ZCCHC8: variants seen among roughly 807,000 people sequenced by gnomAD.
The protein encoded by ZCCHC8 is zinc finger CCHC-type containing 8.
A neutral mutation model predicts 70.6 loss-of-function variants in ZCCHC8; 27 were observed. The ratio of observed to expected loss-of-function variants is 0.38; its 90% CI spans 0.28 to 0.53. The LOEUF is 0.53. Ranked by LOEUF, ZCCHC8 falls within the 20% of genes least tolerant of loss-of-function variation. The probability of loss-of-function intolerance (pLI) is 0.81; values close to 1 mark genes in which losing one functional copy is unlikely to be tolerated. For missense variants in ZCCHC8, 737 were observed against 876.9 expected, an observed-to-expected ratio of 0.84 and a Z score of 2.01; for synonymous variants, 293 against 317.4, an observed-to-expected ratio of 0.92 and a Z score of 0.82.
intron 2 of ZCCHC8, among the ~76,000 whole-genome samples, chr12:122,496,589 T>C (rs1339125631): frequency 3.3e-5 from 5 of 152,214 alleles, no homozygotes; most frequent in Admixed American, 1.3e-4. Context: ...ATTGAATACC[T>C]AATCAAAATT....
At position 122,477,940 on chromosome 12, in the gene ZCCHC8, T is replaced by G; in HGVS notation, c.1246A>C (p.Asn416His). The change falls in exon 13 of 14, where the codon AAC becomes CAC. Residue 416 changes from asparagine to histidine, a missense_variant. Coordinates refer to ENST00000633063, the MANE Select transcript of ZCCHC8 (RefSeq NM_017612.5). ...NFQAPGVKSG[N>H]KRSSSHSSPG... ...CTAGAGTGAGATGAAGACCTCTTGT[T>G]GCCAGACTTCACACCTGGCTAAAAG... 1 of 1,613,906 alleles carries G rather than the reference T, an allele frequency of 6.2e-7. No individual in the cohort carries two copies. Among genetic ancestry groups the G allele is most frequent in the South Asian group, 1.1e-5 (1 of 91,078 alleles).
intron 8 of ZCCHC8, 88 bp from the exon 9 acceptor site, chr12:122,482,175 G>A: frequency 1.5e-6 from 2 of 1,358,560 alleles, no homozygotes; most frequent in Non-Finnish European, 9.7e-7. Context: ...TTTAGATCAA[G>A]TAAACAGATT....
In ZCCHC8 at chr12:122,480,189, C is replaced by T. The variant is rs1043766849; in HGVS notation, c.1140+1G>A. The T allele has an allele frequency of 2.5e-6, 4 of 1,569,468 alleles. No homozygotes were observed. The highest frequency in any genetic ancestry group is 3.5e-6 in the Non-Finnish European group (4 of 1,149,574). The stretch of plus-strand genomic sequence containing the variant: ...TAATTTAAAAAAATCAATATACTTA[C>T]GTCTGGAATTCCTCTGGGAGTAGAT... On this transcript the variant is annotated splice_donor_variant, in intron 11 of 13. Coordinates refer to ENST00000633063, the MANE Select transcript of ZCCHC8 (RefSeq NM_017612.5). LOFTEE classifies it high-confidence loss of function.
intron 13 of ZCCHC8, 105 bp from the exon 14 acceptor site, chr12:122,474,380 A>G (rs1957375898): frequency 9.4e-7 from 1 of 1,067,478 alleles, no homozygotes; most frequent in Non-Finnish European, 1.2e-6. Context: ...AATGGCCAAA[A>G]ATAACTGGCT....
Position 122,473,269 on chromosome 12 carries a change from A to C in ZCCHC8, c.*228T>G. The C allele has an allele frequency of 3.7e-6, 2 of 537,664 alleles. No individual in the cohort carries two copies. Among genetic ancestry groups the C allele is most frequent in the South Asian group, 3.0e-5 (1 of 33,886 alleles). The allele number at this position is 537,664 out of a possible 1,614,324, so 33.3% of individuals were successfully genotyped here. A position where few individuals can be genotyped will look rare whatever the true frequency, so the allele number is the denominator to read the frequency against. ...TATAAACCTTAACAAACCCTCTCTAAACCAGGTCATATTCACATCTCCCCC... is the reference window on the plus strand; with the variant it reads ...TATAAACCTTAACAAACCCTCTCTACACCAGGTCATATTCACATCTCCCCC... On this transcript the variant is annotated 3_prime_UTR_variant, in exon 14 of 14. Coordinates refer to ENST00000633063, the MANE Select transcript of ZCCHC8 (RefSeq NM_017612.5).
intron 5 of ZCCHC8, among the ~76,000 whole-genome samples, chr12:122,489,148 G>C (rs571111212): frequency 2.0e-5 from 3 of 152,286 alleles, no homozygotes; most frequent in Middle Eastern, 6.8e-3. Flanking sequence ...TAAACACAGT[G>C]GTTGGTCAAT....
chr12:122,480,474 T>A, intron 10 of ZCCHC8, 163 bp from the exon 11 acceptor site: 2 of 113,148 alleles, frequency 1.8e-5, no homozygotes, highest in Non-Finnish European at 2.8e-5. Flanking sequence ...AGGACAGAAC[T>A]TTTTTTTTTT....
chr12:122,492,971 A>C (rs1395790337), intron 2 of ZCCHC8, among the ~76,000 whole-genome samples, 182 bp from the exon 3 acceptor site: 1 of 151,864 alleles, frequency 6.6e-6, no homozygotes, highest in Non-Finnish European at 1.5e-5. Flanking sequence ...CCCGAGATCA[A>C]GCAATCCCAC....
chr12:122,492,910 G>A (rs751108553), intron 2 of ZCCHC8, 121 bp from the exon 3 acceptor site: 34 of 673,358 alleles, frequency 5.0e-5, no homozygotes, highest in Non-Finnish European at 7.4e-5. Flanking sequence ...TCACTCTGTC[G>A]CTCGTGCTGG....
intron 11 of ZCCHC8, 191 bp from the exon 12 acceptor site, chr12:122,478,483 G>A: frequency 1.8e-6 from 1 of 553,212 alleles, no homozygotes; most frequent in Non-Finnish European, 3.2e-6. Flanking sequence ...AAATAATTAA[G>A]ACTGAATACT....
intron 5 of ZCCHC8, among the ~76,000 whole-genome samples, chr12:122,485,108 T>C (rs777053552): frequency 1.3e-5 from 2 of 152,062 alleles, no homozygotes; most frequent in Non-Finnish European, 2.9e-5. Flanking sequence ...AAAGGTCAAG[T>C]TATTATTATT....
chr12:122,473,571 T>C lies in ZCCHC8; in HGVS notation c.2050A>G (p.Met684Val), dbSNP rs1221913922. The C allele has an allele frequency of 2.5e-6, 4 of 1,614,038 alleles. No homozygotes were observed. The South Asian group carries it at 3.3e-5, about 13-fold the overall frequency. ...AACAAGCTTCTTATCCTGAGGTACA[T>C]TCCAGTAGATTCTGCCATATTCTCA... ...EFENMAESTG[M>V]YLRIRSLLKN... The change falls in exon 14 of 14, where the codon ATG becomes GTG. Residue 684 changes from methionine to valine, a missense_variant. By Grantham distance (21) the Met-to-Val change is conservative. Transcript: ENST00000633063.
chr12:122,488,109 C>T (rs1957675081), intron 5 of ZCCHC8, among the ~76,000 whole-genome samples: 1 of 151,918 alleles, frequency 6.6e-6, no homozygotes. Context: ...CGGCTCACTG[C>T]AGCCTCAGTC....
At chr12:122,491,549 C>G (rs375361758) in intron 3 of ZCCHC8, among the ~76,000 whole-genome samples, 110 of 133,006 alleles carry the variant, frequency 8.3e-4, no homozygotes, top group African/African-American at 3.5e-3. Flanking sequence ...AAAAAAAAAG[C>G]CAGGTGCGGT....
intron 2 of ZCCHC8, among the ~76,000 whole-genome samples, chr12:122,496,146 G>A (rs369298176): frequency 6.9e-6 from 1 of 145,016 alleles, no homozygotes; most frequent in East Asian, 2.0e-4. Context: ...CAGCCTAGAC[G>A]ACAGAGTGAG....
rs879130438 is a variant in ZCCHC8, at chr12:122,483,460, T to C, written c.605A>G (p.Lys202Arg). 3 of 1,588,962 alleles carry C rather than the reference T, an allele frequency of 1.9e-6. No homozygotes were observed. Among genetic ancestry groups the C allele is most frequent in the Non-Finnish European group, 2.6e-6 (3 of 1,166,228 alleles). Residue 202 changes from lysine to arginine, a missense_variant and splice_region_variant, in exon 6 of 14, where the codon AAG becomes AGG. Lys to Arg is a conservative substitution (Grantham distance 26). Transcript: ENST00000633063. This position sits in a 1 kb window ranked among gnomAD's most constrained non-coding sequence, Gnocchi z 4.4. ...GATCTTCATTCACTATGTAGGATAC[T>C]TGGGTATTTCCCATCCTTCGGAAAG... ...PQLSEGWEIP[K>R]YHQVFSHIVS...
rs747742940 is a variant in ZCCHC8, at chr12:122,473,665, C to T, written c.1956G>A (p.Thr652=). Residue 652 remains threonine, a synonymous_variant, in exon 14 of 14, where the codon ACG becomes ACA. Transcript: ENST00000633063. ...GTATAGGGCTATGAATTTTAGTGGCCGTTGAAGGACTGGTGTCTGCAGGAA... is the reference window on the plus strand; with the variant it reads ...GTATAGGGCTATGAATTTTAGTGGCTGTTGAAGGACTGGTGTCTGCAGGAA... ...KLFPADTSPS[T]ATKIHSPIPD... 1.7e-5 allele frequency: 28 copies of T among 1,613,792 alleles called. 1 individual carries two copies. Among genetic ancestry groups the T allele is most frequent in the Non-Finnish European group, 2.2e-5 (26 of 1,179,896 alleles).
chr12:122,477,920 G>C lies in ZCCHC8; in HGVS notation c.1266C>G (p.His422Gln), dbSNP rs1957452234. 3.7e-6 allele frequency: 6 copies of C among 1,613,974 alleles called. No homozygotes were observed. In the South Asian group the frequency reaches 5.5e-5, roughly 15 times the overall value. The change falls in exon 13 of 14, where the codon CAC becomes CAG. Residue 422 changes from histidine to glutamine, a missense_variant. By Grantham distance (24) the His-to-Gln change is conservative (BLOSUM62 0). Transcript: ENST00000633063. The stretch of plus-strand genomic sequence containing the variant: ...GCTTCTTTGGACTACCTGGGCTAGA[G>C]TGAGATGAAGACCTCTTGTTGCCAG... ...VKSGNKRSSS[H>Q]SSPGSPKKQK... is the part of the protein sequence containing the mutation.
intron 13 of ZCCHC8, among the ~76,000 whole-genome samples, chr12:122,476,713 C>T (rs1957425769): frequency 6.6e-6 from 1 of 151,950 alleles, no homozygotes; most frequent in South Asian, 2.1e-4. Flanking sequence ...CACCACAAAT[C>T]CCCAAACTTC....
Sources: gnomAD v4.1 joint callset for allele counts (sites outside exome capture counted in the v4.1 genomes callset) on GRCh38, gnomAD v4.1.1 for gene constraint, Gnocchi (gnomAD v3.1) non-coding constraint, MANE v1.5 for transcripts, NCBI Gene and HGNC (gene_info 2026-07-23, HGNC 2026-07-21) for gene names.